The following PNLDC1 variants were observed in gnomAD, a reference collection of about 807,000 sequenced individuals.
PNLDC1 encodes the protein PARN like ribonuclease domain containing exonuclease 1.
Under a neutral mutation model 82.0 loss-of-function variants are expected in PNLDC1, and 70 were observed. That is an observed-to-expected ratio of 0.85 (90% CI 0.70 to 1.04). PNLDC1 has a LOEUF of 1.04. Ranked by LOEUF, PNLDC1 falls within the 50% of genes least tolerant of loss-of-function variation. The pLI is 0.00. For synonymous variants in PNLDC1, 280 were observed against 249.3 expected (o/e 1.12, Z -1.16); for missense variants, 631 against 661.1 (o/e 0.95, Z 0.50).
intron 7 of PNLDC1, among the ~76,000 whole-genome samples, chr6:159,807,415 C>T (rs1005566431): frequency 6.6e-6 from 1 of 151,980 alleles, no homozygotes; most frequent in African/African-American, 2.4e-5. Flanking sequence ...AAAAGCCTGT[C>T]ACTTCAAGGA....
chr6:159,802,929 G>A (rs998964984), intron 3 of PNLDC1, among the ~76,000 whole-genome samples: 1 of 151,942 alleles, frequency 6.6e-6, no homozygotes, highest in Non-Finnish European at 1.5e-5. Context: ...TCTTTGAGGG[G>A]GGAGGAATAG....
chr6:159,803,892 C>A, intron 4 of PNLDC1, 73 bp from the exon 5 acceptor site: 1 of 1,524,252 alleles, frequency 6.6e-7, no homozygotes, highest in Non-Finnish European at 8.8e-7. Flanking sequence ...AGAGCCCACC[C>A]TGAAGCCAGC....
chr6:159,814,213 C>T (rs1183111144), intron 12 of PNLDC1, among the ~76,000 whole-genome samples: 1 of 152,208 alleles, frequency 6.6e-6, no homozygotes, highest in Non-Finnish European at 1.5e-5. Flanking sequence ...CACCCAGAGC[C>T]GCCAGTCTGT....
At chr6:159,799,996 C>T (rs142217313), upstream of PNLDC1, among the ~76,000 whole-genome samples, 1,738 of 152,306 alleles carry the variant, frequency 0.011, 18 homozygotes, top group Middle Eastern at 0.075. Context: ...TCCTGCCACG[C>T]CTCTTAACAT....
chr6:159,808,796 AC>A lies in PNLDC1; in HGVS notation c.620del (p.Thr207ArgfsTer3). 6.2e-7 allele frequency: 1 copy of A among 1,614,054 alleles called. No homozygotes were observed. The highest frequency in any genetic ancestry group is 8.5e-7 in the Non-Finnish European group (1 of 1,179,970). On this transcript the variant is annotated frameshift_variant, in exon 8 of 19. Coordinates refer to ENST00000392167, the MANE Select transcript of PNLDC1 (RefSeq NM_001271862.2). LOFTEE classifies it high-confidence loss of function. ...GAGGCAGGCCCTCCCCAACATCTGG[AC>A]GGTGCTGAAAGATGAGGGGGTGAGT... ...VLRQALPNIW[T>X]VLKDEGVVVK...
At chr6:159,816,115 C>T (rs1781806276) in intron 13 of PNLDC1, 82 bp downstream of exon 13, 2 of 1,127,518 alleles carry the variant, frequency 1.8e-6, no homozygotes, top group Non-Finnish European at 2.5e-6. Flanking sequence ...GACCCTGGTT[C>T]CCCCACACCC....
In PNLDC1 at chr6:159,817,089, C is replaced by T; in HGVS notation, c.1115-20C>T. The T allele has an allele frequency of 6.2e-7, 1 of 1,605,974 alleles. No individual in the cohort carries two copies. Among genetic ancestry groups the T allele is most frequent in the Non-Finnish European group, 8.5e-7 (1 of 1,173,048 alleles). ...CATTTTGATAAGCTCTATTGCATTT[C>T]TGTCTTTTTTCCTTCCTAGTTCTTT... On this transcript the variant is annotated intron_variant, in intron 14 of 18. Transcript: ENST00000392167.
chr6:159,815,904 G>A, intron 12 of PNLDC1, 65 bp from the exon 13 acceptor site: 1 of 1,246,186 alleles, frequency 8.0e-7, no homozygotes, highest in Non-Finnish European at 1.2e-6. Flanking sequence ...AAGGGACTGA[G>A]GGGGAATACA....
Position 159,819,957 on chromosome 6 carries a change from A to G in PNLDC1, c.1533-497A>G, listed in dbSNP as rs1488888811. On this transcript the variant is annotated intron_variant, in intron 18 of 18. Transcript: ENST00000392167. This position sits in a 1 kb window ranked among gnomAD's most constrained non-coding sequence, Gnocchi z 4.6. ...CGCGGAAGTTACAGCAAGAAGGTCT[A>G]TAACCCGACTCAGGTTGTCTTCCGT... Among the ~76,000 whole-genome samples the G allele has an allele frequency of 6.6e-6, 1 of 152,164 alleles. No individual in the cohort carries two copies. Among genetic ancestry groups the G allele is most frequent in the African/African-American group, 2.4e-5 (1 of 41,448 alleles).
intron 1 of PNLDC1, 40 bp from the exon 2 acceptor site, chr6:159,800,732 T>C: frequency 6.2e-7 from 1 of 1,614,222 alleles, no homozygotes; most frequent in Non-Finnish European, 8.5e-7. Flanking sequence ...GCTGGCGATG[T>C]TCTGCACCCG....
chr6:159,818,497 C>G (rs897258509), intron 15 of PNLDC1, 58 bp from the exon 16 acceptor site: 3 of 1,477,688 alleles, frequency 2.0e-6, no homozygotes, highest in East Asian at 4.5e-5. Flanking sequence ...TGGCTGTGGC[C>G]GAGGAAGTGG....
At chr6:159,805,825 A>G (rs1781427266) in intron 6 of PNLDC1, 158 bp from the exon 7 acceptor site, 1 of 624,010 alleles carries the variant, frequency 1.6e-6, no homozygotes, top group African/African-American at 1.8e-5. Context: ...CCTATTGCAT[A>G]AGAGCCTCAG....
At chr6:159,801,725 C>G (rs191707329) in intron 3 of PNLDC1, among the ~76,000 whole-genome samples, 2 of 151,894 alleles carry the variant, frequency 1.3e-5, no homozygotes, top group African/African-American at 2.4e-5. Flanking sequence ...GAATTATAAG[C>G]GTGAGCAACC....
At chr6:159,811,453 C>T (rs979106494) in intron 10 of PNLDC1, among the ~76,000 whole-genome samples, 5 of 152,124 alleles carry the variant, frequency 3.3e-5, no homozygotes, top group East Asian at 3.8e-4. Flanking sequence ...ACATTAACTA[C>T]GGTTGGCAAT....
chr6:159,813,101 T>TA (rs1781696363), intron 11 of PNLDC1, among the ~76,000 whole-genome samples: 1 of 152,286 alleles, frequency 6.6e-6, no homozygotes, highest in South Asian at 2.1e-4. Flanking sequence ...AGTGATCCCT[T>TA]ACAAGTGAAT....
chr6:159,804,830 T>C (rs931608868), intron 6 of PNLDC1, among the ~76,000 whole-genome samples, 193 bp downstream of exon 6: 5 of 152,228 alleles, frequency 3.3e-5, no homozygotes, highest in African/African-American at 4.8e-5. Context: ...GTCTCCATCA[T>C]GTTCCACTCC....
chr6:159,818,813 A>T (rs1001472455), intron 16 of PNLDC1, 133 bp from the exon 17 acceptor site: 3 of 1,226,916 alleles, frequency 2.4e-6, no homozygotes, highest in Non-Finnish European at 3.4e-6. Context: ...TAAAGCCAAC[A>T]TGGACTCATC....
intron 12 of PNLDC1, among the ~76,000 whole-genome samples, chr6:159,815,655 C>T (rs9365099): frequency 0.42 from 63,964 of 151,994 alleles, 13,722 homozygotes; most frequent in African/African-American, 0.5. Flanking sequence ...TAATTGTCTC[C>T]GTAGTCGCTA....
chr6:159,808,773 G>C lies in PNLDC1; in HGVS notation c.596G>C (p.Arg199Thr). 6.2e-7 allele frequency: 1 copy of C among 1,614,068 alleles called. No individual in the cohort carries two copies. The stretch of plus-strand genomic sequence containing the variant: ...GCCTTTGAGGTCCAACTGGTGCTGA[G>C]GCAGGCCCTCCCCAACATCTGGACG... ...FQAFEVQLVL[R>T]QALPNIWTVL... The change falls in exon 8 of 19, where the codon AGG becomes ACG. Residue 199 changes from arginine to threonine, a missense_variant. By Grantham distance (71) the Arg-to-Thr change is moderately conservative. Coordinates refer to ENST00000392167, the MANE Select transcript of PNLDC1 (RefSeq NM_001271862.2).
Sources: allele counts gnomAD v4.1 joint callset (sites outside exome capture counted in the v4.1 genomes callset), GRCh38; gene constraint gnomAD v4.1.1; non-coding constraint Gnocchi (gnomAD v3.1); transcripts MANE v1.5; gene names NCBI Gene and HGNC (gene_info 2026-07-23, HGNC 2026-07-21).